The following PCDHGB2 variants were observed in gnomAD, a reference collection of about 807,000 sequenced individuals.
The protein encoded by PCDHGB2 is protocadherin gamma-B2.
PCDHGB2 carries 55 observed loss-of-function variants against 59.3 expected under a neutral mutation model. The observed-to-expected ratio is 0.93, with a 90% confidence interval of 0.75 to 1.16. The LOEUF (loss-of-function observed/expected upper bound fraction) is 1.16. Among genes scored for constraint, PCDHGB2 ranks in the 50% most tolerant of loss-of-function variants. The probability of loss-of-function intolerance (pLI) is 0.00; values close to 1 mark genes in which losing one functional copy is unlikely to be tolerated. For missense variants in PCDHGB2, 1,228 were observed against 1,198.5 expected, an observed-to-expected ratio of 1.02 and a Z score of -0.36; for synonymous variants, 516 against 512.0, an observed-to-expected ratio of 1.01 and a Z score of -0.11.
chr5:141,434,174 C>T (rs1310074584), intron 1 of PCDHGB2, among the ~76,000 whole-genome samples: 1 of 152,132 alleles, frequency 6.6e-6, no homozygotes, highest in Non-Finnish European at 1.5e-5. Flanking sequence ...GGGATTATAT[C>T]CAAGATTTGT....
intron 1 of PCDHGB2, among the ~76,000 whole-genome samples, chr5:141,483,373 G>A (rs1410856257): frequency 6.6e-6 from 1 of 152,166 alleles, no homozygotes; most frequent in Admixed American, 6.5e-5. Flanking sequence ...TGCAATATTT[G>A]AAGAGAAGAT....
At chr5:141,458,645 C>T (rs1162232847) in intron 1 of PCDHGB2, among the ~76,000 whole-genome samples, 2 of 152,170 alleles carry the variant, frequency 1.3e-5, no homozygotes, top group Non-Finnish European at 2.9e-5. Flanking sequence ...TCCCAGCTCA[C>T]TGCAACCTCC....
At chr5:141,390,390 A>G (rs2092135147) in intron 1 of PCDHGB2, 4 of 1,406,748 alleles carry the variant, frequency 2.8e-6, no homozygotes, top group Middle Eastern at 3.7e-4. Flanking sequence ...GATGTCATGG[A>G]TCATTTTAGG....
rs774898388 is a variant in PCDHGB2, at chr5:141,491,593, A to G, written c.2422-3214A>G. 6.8e-6 allele frequency: 11 copies of G among 1,613,918 alleles called. No individual in the cohort carries two copies. In the Admixed American group the frequency reaches 1.2e-4, roughly 17 times the overall value. Reference sequence around the variant, plus strand: ...GTGCTTTTCACCGGCCTCGGACGGCAGTGACTTCACTTTTCTAAGACCCCT... The same window carrying G: ...GTGCTTTTCACCGGCCTCGGACGGCGGTGACTTCACTTTTCTAAGACCCCT... On this transcript the variant is annotated intron_variant, in intron 1 of 3. Transcript: ENST00000522605. This position sits in a 1 kb window ranked among gnomAD's most constrained non-coding sequence, Gnocchi z 6.9.
chr5:141,443,457 G>C (rs977253701), intron 1 of PCDHGB2, among the ~76,000 whole-genome samples: 12 of 152,194 alleles, frequency 7.9e-5, no homozygotes, highest in Non-Finnish European at 1.3e-4. Flanking sequence ...CTGTACTCCA[G>C]TCTGGGTGAC....
intron 1 of PCDHGB2, chr5:141,428,003 C>A (rs1175875944): frequency 2.5e-6 from 4 of 1,601,244 alleles, no homozygotes; most frequent in Non-Finnish European, 3.4e-6. Context: ...CCGCACTCTT[C>A]GATATAGTGC....
chr5:141,483,257 T>G, intron 1 of PCDHGB2, among the ~76,000 whole-genome samples: 1 of 137,924 alleles, frequency 7.3e-6, no homozygotes, highest in East Asian at 1.9e-4. Flanking sequence ...ATCATGAGGT[T>G]TTTTTGTTTT....
At chr5:141,374,291 G>A (rs988844728) in intron 1 of PCDHGB2, 2 of 1,613,858 alleles carry the variant, frequency 1.2e-6, no homozygotes, top group African/African-American at 1.3e-5. Flanking sequence ...CGTCTCCAGA[G>A]GTAGGATGCA....
intron 1 of PCDHGB2, among the ~76,000 whole-genome samples, chr5:141,425,165 A>G (rs1391395593): frequency 6.6e-6 from 1 of 152,140 alleles, no homozygotes; most frequent in Non-Finnish European, 1.5e-5. Flanking sequence ...TAGGGATAGG[A>G]TTTATACTTG....
rs562479827 is a variant in PCDHGB2, at chr5:141,430,802, C to A, written c.2422-64005C>A. The A allele has an allele frequency of 1.2e-5, 18 of 1,524,776 alleles. No homozygotes were observed. The East Asian group carries it at 3.9e-4, about 33-fold the overall frequency. The allele number at this position is 1,524,776 out of a possible 1,614,324, so 94.5% of individuals were successfully genotyped here. On this transcript the variant is annotated intron_variant, in intron 1 of 3. Coordinates refer to ENST00000522605, the MANE Select transcript of PCDHGB2 (RefSeq NM_018923.3). ...GCACCGGGACTACAAAGGGCTTGTC[C>A]TGCTGGGAATCCTCCTGGGGACTCT... is the stretch of plus-strand genomic sequence containing the variant.
chr5:141,477,171 TCA>T lies in PCDHGB2; in HGVS notation c.2422-17633_2422-17632del, dbSNP rs772104411. On this transcript the variant is annotated intron_variant, in intron 1 of 3. Transcript: ENST00000522605. This position sits in a 1 kb window ranked among gnomAD's most constrained non-coding sequence, Gnocchi z 4.9. ...GATGTGAATGACAACGCCCCGGAGA[TCA>T]CAGTCACCTCCGTGTACAGCCCAGT... 6.2e-7 allele frequency: 1 copy of T among 1,614,072 alleles called. No individual in the cohort carries two copies. Among genetic ancestry groups the T allele is most frequent in the Non-Finnish European group, 8.5e-7 (1 of 1,179,988 alleles).
At chr5:141,363,869 A>G (rs1763089883) in intron 1 of PCDHGB2, among the ~76,000 whole-genome samples, 2 of 152,238 alleles carry the variant, frequency 1.3e-5, no homozygotes. Context: ...GATAAGAGGT[A>G]AATAAAGGAC....
Position 141,490,220 on chromosome 5 carries a change from A to G in PCDHGB2, c.2422-4587A>G. 6.2e-7 allele frequency: 1 copy of G among 1,614,252 alleles called. No individual in the cohort carries two copies. Among genetic ancestry groups the G allele is most frequent in the Non-Finnish European group, 8.5e-7 (1 of 1,180,044 alleles). On this transcript the variant is annotated intron_variant, in intron 1 of 3. Coordinates refer to ENST00000522605, the MANE Select transcript of PCDHGB2 (RefSeq NM_018923.3). This position sits in a 1 kb window ranked among gnomAD's most constrained non-coding sequence, Gnocchi z 5.4. The stretch of plus-strand genomic sequence containing the variant: ...CATGCAAGAGCCCGTGACCAGGGAC[A>G]GCCTGCCATGGAGGGCCACTGTGTG...
At chr5:141,425,429 A>G in intron 1 of PCDHGB2, among the ~76,000 whole-genome samples, 1 of 152,254 alleles carries the variant, frequency 6.6e-6, no homozygotes, top group East Asian at 1.9e-4. Flanking sequence ...CCCATTAAAT[A>G]GAGGATAAAA....
intron 3 of PCDHGB2, 99 bp from the exon 4 acceptor site, chr5:141,510,848 G>A: frequency 6.3e-7 from 1 of 1,596,080 alleles, no homozygotes. Flanking sequence ...TCAAGGCCCA[G>A]GGTGCTGTAT....
At chr5:141,463,728 G>C (rs957615020) in intron 1 of PCDHGB2, among the ~76,000 whole-genome samples, 3 of 152,066 alleles carry the variant, frequency 2.0e-5, no homozygotes, top group African/African-American at 7.2e-5. Context: ...TTACAGGCAT[G>C]AGCCACCGCG....
intron 1 of PCDHGB2, chr5:141,394,283 T>A: frequency 6.2e-7 from 1 of 1,613,956 alleles, no homozygotes; most frequent in Non-Finnish European, 8.5e-7. Flanking sequence ...TCACTTACTC[T>A]GTGACCGAGG....
At chr5:141,362,586 T>C in intron 1 of PCDHGB2, 30 bp downstream of exon 1, 2 of 1,595,214 alleles carry the variant, frequency 1.3e-6, no homozygotes, top group Non-Finnish European at 1.7e-6. Context: ...TTTTCACTTC[T>C]GGTTTTATTG....
chr5:141,384,704 C>T (rs1191674511), intron 1 of PCDHGB2: 2 of 1,614,004 alleles, frequency 1.2e-6, no homozygotes, highest in African/African-American at 2.7e-5. Flanking sequence ...GGCCAGAACG[C>T]CTGGCTGTCA....
Sources: allele counts gnomAD v4.1 joint callset (sites outside exome capture counted in the v4.1 genomes callset), GRCh38; gene constraint gnomAD v4.1.1; non-coding constraint Gnocchi (gnomAD v3.1); transcripts MANE v1.5; gene names NCBI Gene and HGNC (gene_info 2026-07-23, HGNC 2026-07-21).